The following NRAP variants were observed in gnomAD, a reference collection of about 807,000 sequenced individuals.
NRAP encodes the protein nebulin-related-anchoring protein.
NRAP carries 189 observed loss-of-function variants against 225.9 expected under a neutral mutation model. That is an observed-to-expected ratio of 0.84 (90% CI 0.74 to 0.94). NRAP has a LOEUF of 0.94. Among genes scored for constraint, NRAP ranks in the 40% least tolerant of loss-of-function variants. The pLI is 0.00. For missense variants in NRAP, 2,176 were observed against 2,168.7 expected (o/e 1.00, Z -0.07); for synonymous variants, 769 against 790.7 (o/e 0.97, Z 0.46).
intron 10 of NRAP, 50 bp from the exon 11 acceptor site, chr10:113,645,991 G>A: frequency 1.1e-6 from 1 of 946,764 alleles, no homozygotes; most frequent in Non-Finnish European, 1.6e-6. Context: ...TCCATGCTCT[G>A]GGAGGGGAAT....
intron 6 of NRAP, 145 bp from the exon 7 acceptor site, chr10:113,652,052 C>T (rs1483340830): frequency 5.9e-6 from 4 of 675,130 alleles, no homozygotes; most frequent in South Asian, 4.8e-5. Context: ...TTCATGGGCT[C>T]CTCCTCAAAA....
rs187990373 is a variant in NRAP, at chr10:113,620,671, A to T, written c.2807T>A (p.Met936Lys). 154 of 1,613,322 alleles carry T rather than the reference A, an allele frequency of 9.5e-5. 2 individuals carry two copies. The East Asian group carries it at 2.5e-3, about 26-fold the overall frequency. The part of the protein sequence containing the change: ...YRADVKWMKG[M>K]GWVATGSLNV... ...TAATGACCCGGTGGCGACCCAGCCC[A>T]TGCCTTTCATCCACTTCACATCTGC... The change falls in exon 25 of 42, where the codon ATG (methionine) becomes AAG (lysine). Residue 936 changes from methionine (M) to lysine (K), a missense_variant. By Grantham distance (95) the Met-to-Lys change is moderately conservative. Coordinates refer to ENST00000359988, the MANE Select transcript of NRAP (RefSeq NM_198060.4).
chr10:113,596,867 C>T (rs975017595), intron 37 of NRAP, among the ~76,000 whole-genome samples: 1 of 152,178 alleles, frequency 6.6e-6, no homozygotes, highest in African/African-American at 2.4e-5. Flanking sequence ...GAAACCCCAA[C>T]CTCCTTCAAA....
chr10:113,659,664 A>C (rs574702680), intron 3 of NRAP, among the ~76,000 whole-genome samples: 1 of 152,210 alleles, frequency 6.6e-6, no homozygotes, highest in South Asian at 2.1e-4. Flanking sequence ...GAATAGAAGA[A>C]AACCCTAGAT....
chr10:113,660,060 AC>A (rs1850564135), intron 3 of NRAP, among the ~76,000 whole-genome samples: 2 of 150,022 alleles, frequency 1.3e-5, no homozygotes, highest in South Asian at 4.3e-4. Context: ...CAACACACAC[AC>A]ACACACACAC....
intron 29 of NRAP, 89 bp from the exon 30 acceptor site, chr10:113,612,520 T>A: frequency 9.3e-7 from 1 of 1,070,908 alleles, no homozygotes; most frequent in South Asian, 1.4e-5. Context: ...TGCAGTTGTC[T>A]GGAGGTAAGC....
At chr10:113,600,155 T>TTCTCTCTCTCCCTC (rs1846511555) in intron 35 of NRAP, among the ~76,000 whole-genome samples, 1 of 140,198 alleles carries the variant, frequency 7.1e-6, no homozygotes, top group South Asian at 2.3e-4. Flanking sequence ...AGGGGTTATA[T>TTCTCTCTCTCCCTC]TCTCTCTCTC....
intron 28 of NRAP, among the ~76,000 whole-genome samples, chr10:113,614,594 G>C (rs1847533373): frequency 6.6e-6 from 1 of 152,168 alleles, no homozygotes. Flanking sequence ...CCTCGGTGGA[G>C]GGTGCATTTC....
In NRAP at chr10:113,653,004, C is replaced by T; in HGVS notation, c.501G>A (p.Lys167=). ...YTEDYEQPRG[K]GSFPAMITPA... Reference sequence around the variant, plus strand: ...GTGTGATCATGGCTGGAAAGCTCCCCTTGCCCCTGGGTTGCTCATAGTCTT... The same window carrying T: ...GTGTGATCATGGCTGGAAAGCTCCCTTTGCCCCTGGGTTGCTCATAGTCTT... Residue 167 remains lysine (K), a synonymous_variant, in exon 6 of 42, where the codon AAG becomes AAA. Coordinates refer to ENST00000359988, the MANE Select transcript of NRAP (RefSeq NM_198060.4). 1 of 1,612,918 alleles carries T rather than the reference C, an allele frequency of 6.2e-7. No individual in the cohort carries two copies. The highest frequency in any genetic ancestry group is 8.5e-7 in the Non-Finnish European group (1 of 1,179,628).
At chr10:113,642,868 C>T (rs1849286332) in intron 12 of NRAP, 66 bp downstream of exon 12, 1 of 845,162 alleles carries the variant, frequency 1.2e-6, no homozygotes, top group Non-Finnish European at 2.1e-6. Flanking sequence ...GACTGTCCCT[C>T]TTAGGAGACC....
At position 113,629,677 on chromosome 10, in the gene NRAP, C is replaced by A. The variant is rs1848475277; in HGVS notation, c.1951G>T (p.Asp651Tyr). Residue 651 changes from aspartate (D) to tyrosine (Y), a missense_variant, in exon 19 of 42, where the codon GAC becomes TAC. Asp to Tyr is a radical substitution (Grantham distance 160, BLOSUM62 -3). Coordinates refer to ENST00000359988, the MANE Select transcript of NRAP (RefSeq NM_198060.4). ...TATTCATGCAGTTTCTTCCTGTAGT[C>A]CAGGTCACTGGCGAGAGTTTGGGCC... ...KKAQTLASDLDYRKKLHEYTV... is the reference protein window; with the variant it reads ...KKAQTLASDLYYRKKLHEYTV... 5 of 1,613,850 alleles carry A rather than the reference C, an allele frequency of 3.1e-6. No homozygotes were observed. Among genetic ancestry groups the A allele is most frequent in the Non-Finnish European group, 4.2e-6 (5 of 1,179,816 alleles).
chr10:113,632,012 G>C, intron 16 of NRAP, 48 bp from the exon 17 acceptor site: 1 of 1,171,736 alleles, frequency 8.5e-7, no homozygotes, highest in Non-Finnish European at 1.3e-6. Flanking sequence ...CCATATTCCT[G>C]CCAAACGTCA....
At chr10:113,603,321 T>C (rs1424998312) in intron 35 of NRAP, among the ~76,000 whole-genome samples, 2 of 152,058 alleles carry the variant, frequency 1.3e-5, no homozygotes, top group African/African-American at 2.4e-5. Context: ...GAGGGGCCAG[T>C]GCTCTCCACC....
chr10:113,636,577 T>C (rs1165343384), intron 14 of NRAP, among the ~76,000 whole-genome samples: 1 of 152,216 alleles, frequency 6.6e-6, no homozygotes, highest in Non-Finnish European at 1.5e-5. Flanking sequence ...TGCCCAGCTC[T>C]AGGAGATTGT....
At chr10:113,593,506 C>T (rs547014856) in intron 38 of NRAP, among the ~76,000 whole-genome samples, 2 of 152,278 alleles carry the variant, frequency 1.3e-5, no homozygotes, top group African/African-American at 4.8e-5. Flanking sequence ...TGCCGTAAAC[C>T]CTGAGCCAAA....
chr10:113,650,593 A>C, intron 7 of NRAP, 48 bp from the exon 8 acceptor site: 1 of 1,262,090 alleles, frequency 7.9e-7, no homozygotes, highest in Non-Finnish European at 1.2e-6. Flanking sequence ...TTATCAGATG[A>C]TCTTAGTGAG....
chr10:113,597,437 G>A (rs1250379292), intron 36 of NRAP, among the ~76,000 whole-genome samples: 2 of 152,108 alleles, frequency 1.3e-5, no homozygotes, highest in African/African-American at 4.8e-5. Flanking sequence ...CCACAATAAA[G>A]GAATTCAGTA....
intron 3 of NRAP, among the ~76,000 whole-genome samples, chr10:113,658,248 G>C (rs11196408): frequency 6.6e-6 from 1 of 152,132 alleles, no homozygotes; most frequent in African/African-American, 2.4e-5. Context: ...TGAGTTAATA[G>C]AGTAAGTCTG....
chr10:113,594,062 T>G (rs1846144852), intron 38 of NRAP, among the ~76,000 whole-genome samples: 1 of 152,236 alleles, frequency 6.6e-6, no homozygotes, highest in Non-Finnish European at 1.5e-5. Context: ...GCCTTGCCAC[T>G]GGGAGTCTTT....
Sources: allele counts gnomAD v4.1 joint callset (sites outside exome capture counted in the v4.1 genomes callset), GRCh38; gene constraint gnomAD v4.1.1; transcripts MANE v1.5; gene names NCBI Gene and HGNC (gene_info 2026-07-23, HGNC 2026-07-21).